Variants in SLC49A4 observed in about 807,000 individuals in gnomAD.
SLC49A4 encodes the protein disrupted in renal cancer protein 2.
Under a neutral mutation model 50.6 loss-of-function variants are expected in SLC49A4, and 36 were observed. The ratio of observed to expected loss-of-function variants is 0.71; its 90% CI spans 0.55 to 0.94. The LOEUF is 0.94. SLC49A4 is among the 40% of genes least tolerant of loss of function. The pLI is 0.00. For synonymous variants in SLC49A4, 248 were observed against 241.2 expected, an observed-to-expected ratio of 1.03 and a Z score of -0.26; for missense variants, 503 against 605.7, an observed-to-expected ratio of 0.83 and a Z score of 1.78.
intron 1 of SLC49A4, among the ~76,000 whole-genome samples, chr3:122,795,916 A>G (rs1936030132): frequency 6.6e-6 from 1 of 152,190 alleles, no homozygotes; most frequent in Non-Finnish European, 1.5e-5. Context: ...GTTGAGGATG[A>G]AAGGTCGGAA....
At chr3:122,800,310 C>T (rs754718878) in intron 1 of SLC49A4, among the ~76,000 whole-genome samples, 10 of 152,058 alleles carry the variant, frequency 6.6e-5, no homozygotes, top group Admixed American at 1.3e-4. Flanking sequence ...TTAGCAACAT[C>T]GAGATCTTTT....
chr3:122,849,265 G>A (rs1408995551), intron 5 of SLC49A4, among the ~76,000 whole-genome samples: 1 of 152,166 alleles, frequency 6.6e-6, no homozygotes, highest in African/African-American at 2.4e-5. Flanking sequence ...AAACATGGGA[G>A]TGCAGATTTC....
In SLC49A4 at chr3:122,838,528, G is replaced by A. The variant is rs1378436377; in HGVS notation, c.833+5082G>A. On this transcript the variant is annotated intron_variant, in intron 4 of 8. Transcript: ENST00000261038. ...CAATGAGAACACATGGACACAAGAAGGGGAACATCACACACCAGGGACTGT... is the reference window on the plus strand; with the variant it reads ...CAATGAGAACACATGGACACAAGAAAGGGAACATCACACACCAGGGACTGT... 1.1e-4 allele frequency among the ~76,000 whole-genome samples: 16 copies of A among 146,108 alleles called. 1 individual carries two copies.
rs1261944344 is a variant in SLC49A4, at chr3:122,879,884, C to T, written c.*506C>T. ...ATGGAAATTAGCCACATGTACACTA[C>T]ATTTTTTCTAATAAAGCCATTTCTT... On this transcript the variant is annotated 3_prime_UTR_variant, in exon 9 of 9. Transcript: ENST00000261038. 6.5e-6 allele frequency: 1 copy of T among 152,882 alleles called. No individual in the cohort carries two copies. The highest frequency in any genetic ancestry group is 2.4e-5 in the African/African-American group (1 of 41,428). The allele number at this position is 152,882 out of a possible 1,614,324, so 9.5% of individuals were successfully genotyped here.
At chr3:122,810,561 T>C (rs4678217) in intron 2 of SLC49A4, among the ~76,000 whole-genome samples, 134,713 of 152,214 alleles carry the variant, frequency 0.89, 59,635 homozygotes, top group East Asian at 0.98. Context: ...CAGTGATTCC[T>C]GTAACACATG....
At chr3:122,833,509 T>A in intron 4 of SLC49A4, 63 bp downstream of exon 4, 1 of 1,453,762 alleles carries the variant, frequency 6.9e-7, no homozygotes, top group Admixed American at 2.2e-5. Flanking sequence ...TTCAGATTTT[T>A]AAAAAATAAT....
rs756439130 is a variant in SLC49A4, at chr3:122,821,705, G to A, written c.438-5095G>A. On this transcript the variant is annotated intron_variant, in intron 2 of 8. Transcript: ENST00000261038. ...CTGCCTCCTCACACTCCTAACTTCT[G>A]CCCACCCTTCCCAAGTCCACTGTGC... Among the ~76,000 whole-genome samples the A allele has an allele frequency of 6.6e-5, 10 of 152,114 alleles. 1 individual carries two copies. The highest frequency in any genetic ancestry group is 1.3e-4 in the Non-Finnish European group (9 of 68,002).
chr3:122,851,182 A>T lies in SLC49A4; in HGVS notation c.943-5125A>T, dbSNP rs540660120. The stretch of plus-strand genomic sequence containing the variant: ...AGACATTATTGTTTACACAGTTAAT[A>T]TTCATTGACTCGAATTTATCTTCAT... On this transcript the variant is annotated intron_variant, in intron 5 of 8. Transcript: ENST00000261038. Among the ~76,000 whole-genome samples the T allele has an allele frequency of 2.0e-5, 3 of 152,324 alleles. No homozygotes were observed. The South Asian group carries it at 6.2e-4, about 32-fold the overall frequency.
intron 1 of SLC49A4, among the ~76,000 whole-genome samples, chr3:122,797,716 C>T (rs1402257809): frequency 6.6e-6 from 1 of 152,180 alleles, no homozygotes. Context: ...CTCAGTGGCT[C>T]ATGTTTGTAA....
chr3:122,872,413 A>G lies in SLC49A4; in HGVS notation c.1139-2A>G, dbSNP rs749502130. 6.2e-7 allele frequency: 1 copy of G among 1,602,098 alleles called. No individual in the cohort carries two copies. The highest frequency in any genetic ancestry group is 1.4e-5 in the African/African-American group (1 of 74,054). ...ACTAAAATGTTTGTGTTTTTATTTT[A>G]GTGACATTGTATGCCTCCTGTATTC... is the stretch of plus-strand genomic sequence containing the variant. On this transcript the variant is annotated splice_acceptor_variant, in intron 7 of 8. Transcript: ENST00000261038. LOFTEE classifies it high-confidence loss of function.
chr3:122,824,107 C>T (rs1023474271), intron 2 of SLC49A4, among the ~76,000 whole-genome samples: 1 of 152,192 alleles, frequency 6.6e-6, no homozygotes, highest in Non-Finnish European at 1.5e-5. Context: ...TCCTACTGAG[C>T]TTGTTTATGA....
intron 4 of SLC49A4, among the ~76,000 whole-genome samples, chr3:122,834,922 C>A (rs1358180271): frequency 2.0e-5 from 3 of 152,060 alleles, no homozygotes; most frequent in African/African-American, 7.2e-5. Flanking sequence ...ACTATGAACA[C>A]CTCTATGGAC....
intron 7 of SLC49A4, among the ~76,000 whole-genome samples, 173 bp downstream of exon 7, chr3:122,860,375 C>A (rs1048613344): frequency 6.6e-6 from 1 of 152,070 alleles, no homozygotes; most frequent in Admixed American, 6.5e-5. Context: ...CAAAAAATAA[C>A]TAAAAATATT....
At chr3:122,827,368 A>G (rs1015380484) in intron 3 of SLC49A4, among the ~76,000 whole-genome samples, 2 of 152,218 alleles carry the variant, frequency 1.3e-5, no homozygotes, top group Admixed American at 6.5e-5. Context: ...CTCTCTAGAT[A>G]TCTTATCAGG....
At chr3:122,852,958 C>T (rs1936943822) in intron 5 of SLC49A4, among the ~76,000 whole-genome samples, 1 of 151,974 alleles carries the variant, frequency 6.6e-6, no homozygotes, top group Admixed American at 6.6e-5. Flanking sequence ...ATAAAATTTT[C>T]CCCAGATTTT....
At chr3:122,849,042 A>G (rs537866393) in intron 5 of SLC49A4, among the ~76,000 whole-genome samples, 23 of 152,320 alleles carry the variant, frequency 1.5e-4, no homozygotes, top group African/African-American at 4.8e-4. Flanking sequence ...GTTCCCACAT[A>G]TGAATGAGAA....
In SLC49A4 at chr3:122,800,586, G is replaced by A. The variant is rs534367744; in HGVS notation, c.343+5051G>A. Among the ~76,000 whole-genome samples, 9 of 152,288 alleles carry A rather than the reference G, an allele frequency of 5.9e-5. No individual in the cohort carries two copies. In the South Asian group the frequency reaches 1.9e-3, roughly 32 times the overall value. On this transcript the variant is annotated intron_variant, in intron 1 of 8. Transcript: ENST00000261038. ...ACAGTTCTATAAAAAGGGGAAAATT[G>A]ATGATGCCGGAGGGAAAGGGAGGAA...
chr3:122,851,754 G>T (rs191785606), intron 5 of SLC49A4, among the ~76,000 whole-genome samples: 2 of 151,490 alleles, frequency 1.3e-5, no homozygotes, highest in African/African-American at 4.8e-5. Flanking sequence ...ATTTCTTTTG[G>T]GTATTCTAAC....
At chr3:122,833,934 A>T (rs1041640983) in intron 4 of SLC49A4, among the ~76,000 whole-genome samples, 1 of 152,190 alleles carries the variant, frequency 6.6e-6, no homozygotes, top group African/African-American at 2.4e-5. Flanking sequence ...CTGTACGAGC[A>T]GTAGGATCAT....
Sources: allele counts gnomAD v4.1 joint callset (sites outside exome capture counted in the v4.1 genomes callset), GRCh38; gene constraint gnomAD v4.1.1; transcripts MANE v1.5; gene names NCBI Gene and HGNC (gene_info 2026-07-23, HGNC 2026-07-21).